The following SNX3 variants were observed in gnomAD, a reference collection of about 807,000 sequenced individuals.
SNX3 encodes the protein sorting nexin 3, also known as sorting nexin-3.
Under a neutral mutation model 17.7 loss-of-function variants are expected in SNX3, and 5 were observed. The observed-to-expected ratio is 0.28, with a 90% CI of 0.15 to 0.59. SNX3 has a LOEUF of 0.59. SNX3 is among the 20% of genes least tolerant of loss of function. The pLI is 0.88. For missense variants in SNX3, 132 were observed against 206.8 expected (o/e 0.64, Z 2.22); for synonymous variants, 91 against 76.5 (o/e 1.19, Z -0.99).
intron 1 of SNX3, among the ~76,000 whole-genome samples, chr6:108,260,373 T>A (rs1562445598): frequency 6.6e-6 from 1 of 152,236 alleles, no homozygotes; most frequent in South Asian, 2.1e-4. Context: ...AAGAGAAAAC[T>A]GGGAAAAGGC....
chr6:108,222,830 T>A lies in SNX3; in HGVS notation c.258+120A>T, dbSNP rs1021666487. 2.1e-5 allele frequency: 15 copies of A among 701,412 alleles called. No individual in the cohort carries two copies. The African/African-American group carries it at 2.7e-4, about 13-fold the overall frequency. The allele number at this position is 701,412 out of a possible 1,614,324, so 43.4% of individuals were successfully genotyped here. A position where few individuals can be genotyped will look rare whatever the true frequency, so the allele number is the denominator to read the frequency against. Reference sequence around the variant, plus strand: ...CCTCTATAAAATGACACTGAACTATTTGAAAAAAAGAAATCATATTTGCTT... The same window carrying A: ...CCTCTATAAAATGACACTGAACTATATGAAAAAAAGAAATCATATTTGCTT... On this transcript the variant is annotated intron_variant, in intron 2 of 3. Transcript: ENST00000230085.
At chr6:108,225,381 A>G (rs1055058152) in intron 1 of SNX3, among the ~76,000 whole-genome samples, 2 of 151,682 alleles carry the variant, frequency 1.3e-5, no homozygotes, top group African/African-American at 4.8e-5. Flanking sequence ...GGCCGATCAC[A>G]AGGTCAGGAG....
At chr6:108,216,614 T>A (rs1476616795) in intron 2 of SNX3, among the ~76,000 whole-genome samples, 1 of 152,130 alleles carries the variant, frequency 6.6e-6, no homozygotes, top group African/African-American at 2.4e-5. Flanking sequence ...CAAGGAGAAA[T>A]ATATATAGTA....
At chr6:108,231,617 T>C (rs1041197536) in intron 1 of SNX3, among the ~76,000 whole-genome samples, 2 of 152,232 alleles carry the variant, frequency 1.3e-5, no homozygotes, top group African/African-American at 4.8e-5. Flanking sequence ...CTGGGTCACT[T>C]GGTAAGGAGA....
intron 1 of SNX3, among the ~76,000 whole-genome samples, chr6:108,225,799 G>A (rs1260626433): frequency 1.3e-5 from 2 of 151,984 alleles, no homozygotes; most frequent in African/African-American, 4.8e-5. Flanking sequence ...GCTTTGGGAG[G>A]CTGAGATGGG....
intron 1 of SNX3, among the ~76,000 whole-genome samples, chr6:108,231,267 A>C (rs991717733): frequency 3.9e-5 from 6 of 152,162 alleles, no homozygotes; most frequent in African/African-American, 1.2e-4. Flanking sequence ...TTGTATCTTT[A>C]GTAGAGACGG....
At chr6:108,229,192 G>A (rs557467269) in intron 1 of SNX3, among the ~76,000 whole-genome samples, 4 of 150,868 alleles carry the variant, frequency 2.7e-5, no homozygotes, top group South Asian at 2.1e-4. Flanking sequence ...CCCGGGAGGC[G>A]GAGGTTGCAG....
chr6:108,233,187 A>G (rs758855770), intron 1 of SNX3, among the ~76,000 whole-genome samples: 7 of 152,222 alleles, frequency 4.6e-5, no homozygotes, highest in Non-Finnish European at 8.8e-5. Context: ...TGAATTAGCA[A>G]CAAGACTCAT....
intron 2 of SNX3, among the ~76,000 whole-genome samples, chr6:108,219,890 G>A (rs1288268298): frequency 2.0e-5 from 3 of 152,088 alleles, no homozygotes; most frequent in Admixed American, 6.5e-5. Flanking sequence ...TAACTGTGGT[G>A]CCTTAAGATT....
rs72936706 is a variant in SNX3 at position 108,255,217 on chromosome 6, G to C, written c.162+5543C>G. ...CACTGCTAATAGCATGCTTCTCCTT[G>C]ATGGAGATCCTGGAAAAGTCAGCCG... On this transcript the variant is annotated intron_variant, in intron 1 of 3. Coordinates refer to ENST00000230085, the MANE Select transcript of SNX3 (RefSeq NM_003795.6). Among the ~76,000 whole-genome samples, 1,444 of 152,330 alleles carry C rather than the reference G, an allele frequency of 9.5e-3. 14 individuals carry two copies. Among genetic ancestry groups the C allele is most frequent in the Middle Eastern group, 0.02 (6 of 294 alleles).
chr6:108,233,875 T>C (rs10484899), intron 1 of SNX3, among the ~76,000 whole-genome samples: 7,730 of 152,252 alleles, frequency 0.051, 374 homozygotes, highest in Admixed American at 0.15. Context: ...GGTAGTGATT[T>C]GGAATAATAC....
rs765269350 is a variant in SNX3, at chr6:108,260,763, G to C, written c.159C>G (p.Val53=). 3 of 1,613,754 alleles carry C rather than the reference G, an allele frequency of 1.9e-6. No individual in the cohort carries two copies. The highest frequency in any genetic ancestry group is 1.1e-5 in the South Asian group (1 of 91,070). The change falls in exon 1 of 4, where the codon GTC becomes GTG. Residue 53 remains valine (V), a synonymous_variant. Transcript: ENST00000230085. ...GAGAGGGGAGAGACGGCCTCACCTT[G>C]ACCCTGATTTCGTAAGTGGTGAAGC... is the stretch of plus-strand genomic sequence containing the variant. ...RGRFTTYEIR[V]KTNLPIFKLK...
chr6:108,244,660 T>TG (rs968902088), intron 1 of SNX3, among the ~76,000 whole-genome samples: 4 of 145,724 alleles, frequency 2.7e-5, no homozygotes, highest in African/African-American at 7.7e-5. Context: ...TTTTTTTTTT[T>TG]TTTTTTTTTT....
intron 1 of SNX3, among the ~76,000 whole-genome samples, chr6:108,235,466 C>T (rs1365968097): frequency 2.6e-5 from 4 of 152,210 alleles, no homozygotes; most frequent in Non-Finnish European, 5.9e-5. Flanking sequence ...TAACTGTTTT[C>T]GGTCACCAAC....
In SNX3 at chr6:108,213,479, C is replaced by T. The variant is rs533225521; in HGVS notation, c.383+1019G>A. 7.2e-5 allele frequency among the ~76,000 whole-genome samples: 11 copies of T among 152,024 alleles called. No homozygotes were observed. In the East Asian group the frequency reaches 1.8e-3, roughly 24 times the overall value. The stretch of plus-strand genomic sequence containing the variant: ...CCAGCCTGGCCAACATGGCGAAACC[C>T]TGTCTCTACTAAAAATACAAAAATA... On this transcript the variant is annotated intron_variant, in intron 3 of 3. Coordinates refer to ENST00000230085, the MANE Select transcript of SNX3 (RefSeq NM_003795.6).
chr6:108,226,621 TATAC>T (rs1256590869), intron 1 of SNX3, among the ~76,000 whole-genome samples: 1 of 152,236 alleles, frequency 6.6e-6, no homozygotes, highest in Admixed American at 6.5e-5. Flanking sequence ...TCCTACTGTG[TATAC>T]AGGGACATCA....
intron 1 of SNX3, among the ~76,000 whole-genome samples, chr6:108,248,485 G>T (rs558393044): frequency 6.6e-6 from 1 of 152,230 alleles, no homozygotes; most frequent in East Asian, 1.9e-4. Context: ...TGACCCACAG[G>T]AGCTACTCAA....
Position 108,254,749 on chromosome 6 carries a change from C to G in SNX3, c.162+6011G>C, listed in dbSNP as rs749545040. On this transcript the variant is annotated intron_variant, in intron 1 of 3. Transcript: ENST00000230085. ...AGGGCACACAGGAAGGAAATCTGGT[C>G]CAGAGTCAAGGGATCAGCAAAATCT... is the stretch of plus-strand genomic sequence containing the variant. Among the ~76,000 whole-genome samples the G allele has an allele frequency of 4.9e-4, 75 of 152,204 alleles. 1 individual carries two copies. The highest frequency in any genetic ancestry group is 7.8e-4 in the Admixed American group (12 of 15,288).
At chr6:108,221,039 T>G (rs761497333) in intron 2 of SNX3, among the ~76,000 whole-genome samples, 1 of 152,172 alleles carries the variant, frequency 6.6e-6, no homozygotes, top group Non-Finnish European at 1.5e-5. Flanking sequence ...TGAAAATATT[T>G]TTTGGTTATT....
Sources: gnomAD v4.1 joint callset for allele counts (sites outside exome capture counted in the v4.1 genomes callset) on GRCh38, gnomAD v4.1.1 for gene constraint, MANE v1.5 for transcripts, NCBI Gene and HGNC (gene_info 2026-07-23, HGNC 2026-07-21) for gene names.